Variants in VPS4B observed in about 807,000 individuals in gnomAD.
VPS4B encodes the protein vacuolar protein sorting 4 homolog B.
VPS4B carries 23 observed loss-of-function variants against 56.1 expected under a neutral mutation model. The observed-to-expected ratio is 0.41, with a 90% CI of 0.30 to 0.58. The LOEUF (loss-of-function observed/expected upper bound fraction) is 0.58, where lower values mean the gene tolerates loss of function less well. VPS4B is among the 20% of genes least tolerant of loss of function. The pLI is 0.29. For missense variants in VPS4B, 372 were observed against 531.9 expected (o/e 0.70, Z 2.96); for synonymous variants, 177 against 186.0 (o/e 0.95, Z 0.39).
Position 63,416,870 on chromosome 18 carries a change from C to A in VPS4B, c.28-5292G>T, listed in dbSNP as rs375234408. Among the ~76,000 whole-genome samples the A allele has an allele frequency of 4.6e-5, 7 of 152,304 alleles. 1 individual carries two copies. The highest frequency in any genetic ancestry group is 2.1e-4 in the South Asian group (1 of 4,828). On this transcript the variant is annotated intron_variant, in intron 1 of 10. Coordinates refer to ENST00000238497, the MANE Select transcript of VPS4B (RefSeq NM_004869.4). ...TTCAGATGGCAAGTCCTTAGAGAGG[C>A]CTCCCTAATTTGCTATAGCAAAGGC...
rs764487665 is a variant in VPS4B, at chr18:63,422,305, G to A, written c.-46C>T. 1 of 1,462,136 alleles carries A rather than the reference G, an allele frequency of 6.8e-7. No individual in the cohort carries two copies. Among genetic ancestry groups the A allele is most frequent in the Non-Finnish European group, 9.1e-7 (1 of 1,102,850 alleles). The allele number at this position is 1,462,136 out of a possible 1,614,324, so 90.6% of individuals were successfully genotyped here. On this transcript the variant is annotated 5_prime_UTR_variant, in exon 1 of 11. Transcript: ENST00000238497. ...CCCAAGGGAACGAGGGGCGAGGAGAGCCAACAGCAGCAACGTCGAAGCGCG... is the reference window on the plus strand; with the variant it reads ...CCCAAGGGAACGAGGGGCGAGGAGAACCAACAGCAGCAACGTCGAAGCGCG...
intron 7 of VPS4B, among the ~76,000 whole-genome samples, chr18:63,399,675 AT>A (rs1915767351): frequency 6.6e-6 from 1 of 152,044 alleles, no homozygotes; most frequent in East Asian, 1.9e-4. Flanking sequence ...TCTCTTTTCT[AT>A]TTATGTCAGT....
intron 1 of VPS4B, among the ~76,000 whole-genome samples, chr18:63,420,170 G>A (rs1247141707): frequency 3.3e-5 from 5 of 152,142 alleles, no homozygotes; most frequent in South Asian, 4.1e-4. Flanking sequence ...TTCTGGGGCC[G>A]GGCACGGTGG....
intron 1 of VPS4B, 32 bp downstream of exon 1, chr18:63,422,201 T>G: frequency 1.4e-6 from 2 of 1,466,922 alleles, no homozygotes; most frequent in Non-Finnish European, 1.8e-6. Flanking sequence ...CGATCCCAGC[T>G]CCCTAGGGGG....
chr18:63,413,130 A>C (rs1375170484), intron 1 of VPS4B, among the ~76,000 whole-genome samples: 1 of 152,208 alleles, frequency 6.6e-6, no homozygotes, highest in East Asian at 1.9e-4. Context: ...ATAAAAACAC[A>C]TAAGGACAAG....
chr18:63,403,622 A>C (rs1915857771), intron 5 of VPS4B, 85 bp downstream of exon 5: 2 of 1,323,842 alleles, frequency 1.5e-6, no homozygotes, highest in African/African-American at 3.0e-5. Context: ...ATAATTCATT[A>C]GTGACAAGAA....
intron 1 of VPS4B, among the ~76,000 whole-genome samples, chr18:63,412,187 G>C (rs1002230473): frequency 6.6e-6 from 1 of 152,074 alleles, no homozygotes; most frequent in Admixed American, 6.5e-5. Flanking sequence ...CCACAAAACA[G>C]AACACCAAAG....
chr18:63,391,230 CTTT>C (rs11425099), intron 10 of VPS4B, among the ~76,000 whole-genome samples, 154 bp from the exon 11 acceptor site: 6 of 141,526 alleles, frequency 4.2e-5, no homozygotes, highest in Non-Finnish European at 4.6e-5. Flanking sequence ...ACTCCCTATT[CTTT>C]TTTTTTTTTT....
intron 9 of VPS4B, among the ~76,000 whole-genome samples, chr18:63,393,765 T>C (rs1186992902): frequency 6.6e-6 from 1 of 151,922 alleles, no homozygotes; most frequent in Non-Finnish European, 1.5e-5. Context: ...TGAAAGGGCG[T>C]CTTGCTCTGT....
intron 9 of VPS4B, among the ~76,000 whole-genome samples, chr18:63,395,906 T>C (rs6567341): frequency 0.5 from 75,838 of 152,036 alleles, 19,501 homozygotes; most frequent in East Asian, 0.87. Context: ...GCAAATCACA[T>C]GTCTGTCCCA....
chr18:63,401,232 G>A (rs766333128), intron 5 of VPS4B, among the ~76,000 whole-genome samples: 1 of 152,148 alleles, frequency 6.6e-6, no homozygotes, highest in Non-Finnish European at 1.5e-5. Flanking sequence ...GCACAGGTTA[G>A]TGTTATAGGT....
At chr18:63,393,618 A>G in intron 9 of VPS4B, 69 bp from the exon 10 acceptor site, 1 of 1,341,266 alleles carries the variant, frequency 7.5e-7, no homozygotes, top group Non-Finnish European at 9.8e-7. Context: ...ATCCATTACC[A>G]GGAAAGTTAA....
At chr18:63,408,376 T>A (rs1052125255) in intron 3 of VPS4B, among the ~76,000 whole-genome samples, 8 of 152,080 alleles carry the variant, frequency 5.3e-5, no homozygotes, top group African/African-American at 1.4e-4. Context: ...GTGGGTGAGG[T>A]AGACACTGCA....
At position 63,422,366 on chromosome 18, in the gene VPS4B, G is replaced by T; in HGVS notation, c.-107C>A. ...CAGCCCTCAAACTGGGGAGGCCGGT[G>T]GTTCTCGGACCGCGAAGGGCAGCCT... On this transcript the variant is annotated 5_prime_UTR_variant, in exon 1 of 11. Transcript: ENST00000238497. The T allele has an allele frequency of 8.7e-7, 1 of 1,154,384 alleles. No individual in the cohort carries two copies. Among genetic ancestry groups the T allele is most frequent in the Non-Finnish European group, 1.2e-6 (1 of 868,344 alleles). The allele number at this position is 1,154,384 out of a possible 1,614,324, so 71.5% of individuals were successfully genotyped here.
rs1015779480 is a variant in VPS4B, at chr18:63,422,431, G to C, written c.-172C>G. On this transcript the variant is annotated 5_prime_UTR_variant, in exon 1 of 11. Coordinates refer to ENST00000238497, the MANE Select transcript of VPS4B (RefSeq NM_004869.4). ...GTTTTAGACAACACTCTCTCCACCA[G>C]AGCTCCGACCCTCCCCACCAAACTT... is the stretch of plus-strand genomic sequence containing the variant. The C allele has an allele frequency of 2.0e-6, 1 of 497,016 alleles. No individual in the cohort carries two copies. The highest frequency in any genetic ancestry group is 4.4e-5 in the Admixed American group (1 of 22,534). The allele number at this position is 497,016 out of a possible 1,614,324, so 30.8% of individuals were successfully genotyped here.
intron 1 of VPS4B, among the ~76,000 whole-genome samples, chr18:63,414,667 T>C (rs1916123346): frequency 6.6e-6 from 1 of 152,140 alleles, no homozygotes; most frequent in South Asian, 2.1e-4. Context: ...ACTCCTGACC[T>C]CAGGTGATAC....
chr18:63,421,259 C>T (rs994948912), intron 1 of VPS4B, among the ~76,000 whole-genome samples: 1 of 152,156 alleles, frequency 6.6e-6, no homozygotes, highest in Non-Finnish European at 1.5e-5. Flanking sequence ...AAATTTTAAT[C>T]TCTGTTTAAG....
chr18:63,406,136 G>T (rs1915912309), intron 4 of VPS4B, among the ~76,000 whole-genome samples: 1 of 152,192 alleles, frequency 6.6e-6, no homozygotes, highest in South Asian at 2.1e-4. Context: ...CTGGAATAAG[G>T]CCACTTGGCA....
intron 9 of VPS4B, among the ~76,000 whole-genome samples, 173 bp from the exon 10 acceptor site, chr18:63,393,722 G>A (rs1315737102): frequency 6.6e-6 from 1 of 152,078 alleles, no homozygotes; most frequent in African/African-American, 2.4e-5. Flanking sequence ...CCTGGGTAAT[G>A]GGATAGATTT....
Sources: gnomAD v4.1 joint callset for allele counts (sites outside exome capture counted in the v4.1 genomes callset) on GRCh38, gnomAD v4.1.1 for gene constraint, MANE v1.5 for transcripts, NCBI Gene and HGNC (gene_info 2026-07-23, HGNC 2026-07-21) for gene names.